PCDHGA3: variants seen among roughly 807,000 people sequenced by gnomAD.
The protein encoded by PCDHGA3 is protocadherin gamma subfamily A, 3.
In PCDHGA3, 40 loss-of-function variants were observed where a neutral mutation model predicts 58.5. The ratio of observed to expected loss-of-function variants is 0.68; its 90% CI spans 0.53 to 0.89. The LOEUF (loss-of-function observed/expected upper bound fraction) is 0.89, where lower values mean the gene tolerates loss of function less well. Ranked by LOEUF, PCDHGA3 falls within the 40% of genes least tolerant of loss-of-function variation. The probability of loss-of-function intolerance (pLI) is 0.00; values close to 1 mark genes in which losing one functional copy is unlikely to be tolerated. For missense variants in PCDHGA3, 1,223 were observed against 1,195.9 expected (o/e 1.02, Z -0.33); for synonymous variants, 530 against 525.7 (o/e 1.01, Z -0.11).
At chr5:141,466,201 T>C (rs985163022) in intron 1 of PCDHGA3, among the ~76,000 whole-genome samples, 1 of 152,006 alleles carries the variant, frequency 6.6e-6, no homozygotes, top group African/African-American at 2.4e-5. Context: ...GACACAGCCT[T>C]GCTCTGTTAC....
At position 141,346,322 on chromosome 5, in the gene PCDHGA3, G is replaced by T. The variant is rs1244479416; in HGVS notation, c.2289G>T (p.Ser763=). The T allele has an allele frequency of 6.2e-7, 1 of 1,614,062 alleles. No individual in the cohort carries two copies. The highest frequency in any genetic ancestry group is 8.5e-7 in the Non-Finnish European group (1 of 1,180,034). The stretch of plus-strand genomic sequence containing the variant: ...ACGAGGTCTCCCTCACTGCGGACTC[G>T]CGGAAGAGCCACCTGATTTTCCCCC... The part of the protein sequence containing the change: ...YSHEVSLTAD[S]RKSHLIFPQP... Residue 763 remains serine (S), a synonymous_variant, in exon 1 of 4, where the codon TCG becomes TCT. Transcript: ENST00000253812.
intron 1 of PCDHGA3, among the ~76,000 whole-genome samples, chr5:141,369,209 C>T (rs567971438): frequency 1.3e-5 from 2 of 151,888 alleles, no homozygotes; most frequent in South Asian, 2.1e-4. Context: ...AAACTGGGGA[C>T]CAAGGAAAAG....
At chr5:141,409,960 C>T (rs1182396334) in intron 1 of PCDHGA3, 1 of 1,613,416 alleles carries the variant, frequency 6.2e-7, no homozygotes. Context: ...AGCCCGGCTA[C>T]CTAGTGACTA....
rs772264177 is a variant in PCDHGA3 at position 141,376,458 on chromosome 5, T to C, written c.2424+30001T>C. On this transcript the variant is annotated intron_variant, in intron 1 of 3. Coordinates refer to ENST00000253812, the MANE Select transcript of PCDHGA3 (RefSeq NM_018916.4). Reference sequence around the variant, plus strand: ...AGCTATGAGAAAAGCGAGCCTCTTCTGATAACTCAGGATTTACTTGAAACG... The same window carrying C: ...AGCTATGAGAAAAGCGAGCCTCTTCCGATAACTCAGGATTTACTTGAAACG... 14 of 1,614,106 alleles carry C rather than the reference T, an allele frequency of 8.7e-6. No individual in the cohort carries two copies. In the African/African-American group the frequency reaches 1.5e-4, roughly 17 times the overall value.
chr5:141,485,106 TGGCTGTTTGGGGCGGGTC>T lies in PCDHGA3; in HGVS notation c.2425-9696_2425-9679del. 1 of 1,206,448 alleles carries T rather than the reference TGGCTGTTTGGGGCGGGTC, an allele frequency of 8.3e-7. No homozygotes were observed. The highest frequency in any genetic ancestry group is 1.2e-6 in the Non-Finnish European group (1 of 828,284). 74.7% of individuals were successfully genotyped at this position (1,206,448 alleles called of 1,614,324 possible). Reference sequence around the variant, plus strand: ...GGGAGATAGGTGTCTCCAGCTGCTGTGGCTGTTTGGGGCGGGTCGGCTTCATCCGCGTCTCAGGAGCAA... The same window carrying T: ...GGGAGATAGGTGTCTCCAGCTGCTGTGGCTTCATCCGCGTCTCAGGAGCAA... On this transcript the variant is annotated intron_variant, in intron 1 of 3. Coordinates refer to ENST00000253812, the MANE Select transcript of PCDHGA3 (RefSeq NM_018916.4). This position sits in a 1 kb window ranked among gnomAD's most constrained non-coding sequence, Gnocchi z 5.7.
At chr5:141,507,704 G>A (rs989196400) in intron 3 of PCDHGA3, among the ~76,000 whole-genome samples, 5 of 152,210 alleles carry the variant, frequency 3.3e-5, no homozygotes, top group African/African-American at 9.6e-5. Context: ...AGTATTTATG[G>A]CCCCAAACCC....
chr5:141,403,377 T>A, intron 1 of PCDHGA3: 1 of 1,614,016 alleles, frequency 6.2e-7, no homozygotes. Flanking sequence ...GAAGTAAAAA[T>A]TAACGAAATC....
intron 1 of PCDHGA3, among the ~76,000 whole-genome samples, chr5:141,380,915 G>A (rs1452983675): frequency 6.6e-6 from 1 of 152,180 alleles, no homozygotes. Context: ...TGCTTACATT[G>A]TTTAATAATC....
chr5:141,364,466 G>C (rs1391136210), intron 1 of PCDHGA3: 2 of 1,613,872 alleles, frequency 1.2e-6, no homozygotes, highest in Non-Finnish European at 8.5e-7. Flanking sequence ...CTCCTTCGTC[G>C]GCAACATAGC....
rs9324852 is a variant in PCDHGA3, at chr5:141,510,333, C to T, written c.2573-614C>T. On this transcript the variant is annotated intron_variant, in intron 3 of 3. Coordinates refer to ENST00000253812, the MANE Select transcript of PCDHGA3 (RefSeq NM_018916.4). ...AGGCTTGGAAGAGCACTCTTCACCC[C>T]CACCCCACACACTTACTAACGGAAC... Among the ~76,000 whole-genome samples the T allele has an allele frequency of 2.4e-3, 367 of 151,698 alleles. 1 individual carries two copies. Among genetic ancestry groups the T allele is most frequent in the African/African-American group, 8.4e-3 (348 of 41,384 alleles).
Position 141,422,925 on chromosome 5 carries a change from T to G in PCDHGA3, c.2425-71882T>G, listed in dbSNP as rs568894245. On this transcript the variant is annotated intron_variant, in intron 1 of 3. Transcript: ENST00000253812. ...ACAATGCGCCCGAGATCCTGTACCC[T>G]GCCCTCCCCACAGACGGCTCCACTG... 1.9e-6 allele frequency: 3 copies of G among 1,614,202 alleles called. No individual in the cohort carries two copies. The Admixed American group carries it at 5.0e-5, about 27-fold the overall frequency.
intron 1 of PCDHGA3, chr5:141,374,746 C>T (rs1242744421): frequency 2.5e-6 from 4 of 1,612,108 alleles, no homozygotes; most frequent in East Asian, 4.5e-5. Context: ...GCGACCCTGT[C>T]CGCTCAAGCG....
At chr5:141,427,444 G>T (rs1184893966) in intron 1 of PCDHGA3, 1 of 482,228 alleles carries the variant, frequency 2.1e-6, no homozygotes, top group South Asian at 1.5e-5. Flanking sequence ...ATAAACGAAA[G>T]AGTTCCTTTT....
intron 1 of PCDHGA3, chr5:141,352,709 G>C (rs768287553): frequency 1.9e-6 from 3 of 1,543,562 alleles, no homozygotes; most frequent in East Asian, 4.9e-5. Context: ...ATATATGGCG[G>C]CCGGGCGCGG....
chr5:141,351,933 T>C, intron 1 of PCDHGA3: 1 of 1,613,206 alleles, frequency 6.2e-7, no homozygotes, highest in South Asian at 1.1e-5. Flanking sequence ...GCGCCACGGG[T>C]GCTGTACCCC....
rs368940925 is a variant in PCDHGA3, at chr5:141,360,407, A to G, written c.2424+13950A>G. On this transcript the variant is annotated intron_variant, in intron 1 of 3. Transcript: ENST00000253812. ...GACTTACTTGTGAGTGACAGAATAG[A>G]CCGAGAACAGATATGCGGGAAGCAG... is the stretch of plus-strand genomic sequence containing the variant. 1.3e-4 allele frequency: 215 copies of G among 1,613,834 alleles called. No individual in the cohort carries two copies. Among genetic ancestry groups the G allele is most frequent in the Non-Finnish European group, 1.7e-4 (205 of 1,179,876 alleles).
chr5:141,483,501 G>A (rs1022338958), intron 1 of PCDHGA3, among the ~76,000 whole-genome samples: 2 of 150,394 alleles, frequency 1.3e-5, no homozygotes, highest in Admixed American at 1.3e-4. Context: ...ATGAGTCAAG[G>A]CTGATCCCCC....
chr5:141,482,016 C>T (rs2099550411), intron 1 of PCDHGA3, among the ~76,000 whole-genome samples: 1 of 148,596 alleles, frequency 6.7e-6, no homozygotes, highest in African/African-American at 2.5e-5. Context: ...TCTCAGGAAG[C>T]AGAGGTTGCA....
chr5:141,457,809 C>A (rs1404645915), intron 1 of PCDHGA3, among the ~76,000 whole-genome samples: 1 of 152,180 alleles, frequency 6.6e-6, no homozygotes, highest in Non-Finnish European at 1.5e-5. Flanking sequence ...CTCTTGAGGT[C>A]CCAAGATAAA....
Sources: allele counts gnomAD v4.1 joint callset (sites outside exome capture counted in the v4.1 genomes callset), GRCh38; gene constraint gnomAD v4.1.1; non-coding constraint Gnocchi (gnomAD v3.1); transcripts MANE v1.5; gene names NCBI Gene and HGNC (gene_info 2026-07-23, HGNC 2026-07-21).